The following STK10 variants were observed in gnomAD, a reference collection of about 807,000 sequenced individuals.
STK10 encodes serine/threonine kinase 10.
Under a neutral mutation model 113.8 loss-of-function variants are expected in STK10, and 78 were observed. That is an observed-to-expected ratio of 0.69 (90% CI 0.57 to 0.83). STK10 has a LOEUF of 0.83. STK10 is among the 40% of genes least tolerant of loss of function. The probability of loss-of-function intolerance (pLI) is 0.00; values close to 1 mark genes in which losing one functional copy is unlikely to be tolerated. For synonymous variants in STK10, 465 were observed against 494.7 expected, an observed-to-expected ratio of 0.94 and a Z score of 0.80; for missense variants, 1,109 against 1,280.1, an observed-to-expected ratio of 0.87 and a Z score of 2.04.
intron 12 of STK10, among the ~76,000 whole-genome samples, chr5:172,079,650 C>A (rs987295592): frequency 2.6e-5 from 4 of 152,108 alleles, no homozygotes; most frequent in Non-Finnish European, 5.9e-5. Context: ...CAACCTCCGT[C>A]TCCTGGGTTC....
chr5:172,126,687 A>G (rs1769627049), intron 3 of STK10, among the ~76,000 whole-genome samples: 1 of 152,260 alleles, frequency 6.6e-6, no homozygotes, highest in African/African-American at 2.4e-5. Context: ...AATGGCCACT[A>G]CTAACATTTC....
At position 172,106,802 on chromosome 5, in the gene STK10, C is replaced by T. The variant is rs1244598725; in HGVS notation, c.606G>A (p.Glu202=). 1 of 1,613,930 alleles carries T rather than the reference C, an allele frequency of 6.2e-7. No homozygotes were observed. The highest frequency in any genetic ancestry group is 2.2e-5 in the East Asian group (1 of 44,884). Residue 202 remains glutamate (E), a synonymous_variant, in exon 6 of 19, where the codon GAG becomes GAA. Coordinates refer to ENST00000176763, the MANE Select transcript of STK10 (RefSeq NM_005990.4). The part of the protein sequence containing the change: ...FIGTPYWMAP[E]VVMCETMKDT... ...CTTTCATGGTCTCACACATGACCACCTCGGGGGCCATCCTGAACCAACCAA... is the reference window on the plus strand; with the variant it reads ...CTTTCATGGTCTCACACATGACCACTTCGGGGGCCATCCTGAACCAACCAA...
At chr5:172,090,088 CA>C in intron 10 of STK10, 143 bp downstream of exon 10, 1 of 1,196,058 alleles carries the variant, frequency 8.4e-7, no homozygotes, top group South Asian at 1.5e-5. Context: ...TGCAGGATCG[CA>C]GGCAAAATGA....
intron 1 of STK10, among the ~76,000 whole-genome samples, chr5:172,174,043 T>C (rs1006482547): frequency 1.3e-5 from 2 of 152,082 alleles, no homozygotes; most frequent in East Asian, 1.9e-4. Context: ...ATAACCACAA[T>C]GCGGCCTCCC....
At chr5:172,064,004 G>A (rs1434728719) in intron 13 of STK10, among the ~76,000 whole-genome samples, 1 of 152,144 alleles carries the variant, frequency 6.6e-6, no homozygotes, top group Non-Finnish European at 1.5e-5. Flanking sequence ...TTATCTTAGG[G>A]ACAATGTGGG....
At chr5:172,101,463 C>G (rs921649966) in intron 7 of STK10, among the ~76,000 whole-genome samples, 1 of 146,910 alleles carries the variant, frequency 6.8e-6, no homozygotes, top group African/African-American at 2.7e-5. Context: ...GAGCGAGACT[C>G]CGTCTCCAAA....
chr5:172,064,988 G>A (rs992000676), intron 12 of STK10, among the ~76,000 whole-genome samples, 176 bp from the exon 13 acceptor site: 1 of 152,146 alleles, frequency 6.6e-6, no homozygotes, highest in African/African-American at 2.4e-5. Context: ...CTCCACACTG[G>A]CCTACTCCTG....
In STK10 at chr5:172,092,032, G is replaced by A. The variant is rs138046623; in HGVS notation, c.1554+1380C>T. ...CCCTGTCTCCTGCCCATGGCACCTC[G>A]CCCAGGGGCTCTGGACAGCATCAGC... On this transcript the variant is annotated intron_variant, in intron 9 of 18. Transcript: ENST00000176763. Among the ~76,000 whole-genome samples the A allele has an allele frequency of 5.3e-5, 8 of 152,316 alleles. No homozygotes were observed. In the East Asian group the frequency reaches 5.8e-4, roughly 11 times the overall value.
chr5:172,057,098 T>C (rs1300125744), intron 15 of STK10: 1 of 472,996 alleles, frequency 2.1e-6, no homozygotes, highest in Non-Finnish European at 3.8e-6. Flanking sequence ...ACACAGCAAG[T>C]AACAGTCAGT....
chr5:172,105,668 C>T lies in STK10; in HGVS notation c.858G>A (p.Ala286=), dbSNP rs753285320. The change falls in exon 7 of 19, where the codon GCG becomes GCA. Residue 286 remains alanine (A), a synonymous_variant. Transcript: ENST00000176763. ...DKNPETRPSA[A]QLLEHPFVSS... ...GGAATCCACTCACCTCCAGCAGCTG[C>T]GCGGCACTGGGTCGGGTTTCTGGGT... 1.5e-5 allele frequency: 24 copies of T among 1,613,684 alleles called. No homozygotes were observed. The East Asian group carries it at 2.0e-4, about 13-fold the overall frequency.
intron 1 of STK10, among the ~76,000 whole-genome samples, chr5:172,165,913 C>T (rs1410674979): frequency 6.6e-6 from 1 of 152,178 alleles, no homozygotes; most frequent in African/African-American, 2.4e-5. Flanking sequence ...CCTGCCTCAG[C>T]CTCCCGAGTA....
chr5:172,047,752 A>G (rs1014868368), intron 18 of STK10, among the ~76,000 whole-genome samples: 1 of 152,194 alleles, frequency 6.6e-6, no homozygotes, highest in African/African-American at 2.4e-5. Flanking sequence ...TGAGATTAAG[A>G]GTAACTTGGG....
chr5:172,080,123 G>A (rs1328414003), intron 12 of STK10, among the ~76,000 whole-genome samples: 2 of 151,970 alleles, frequency 1.3e-5, no homozygotes, highest in South Asian at 2.1e-4. Context: ...CTATTATGAC[G>A]ATCTGTGATG....
In STK10 at chr5:172,055,844, A is replaced by G; in HGVS notation, c.2338-68T>C. 8.2e-6 allele frequency: 11 copies of G among 1,336,602 alleles called. 1 individual carries two copies. In the South Asian group the frequency reaches 1.7e-4, roughly 21 times the overall value. The allele number at this position is 1,336,602 out of a possible 1,614,324, so 82.8% of individuals were successfully genotyped here. On this transcript the variant is annotated intron_variant, in intron 15 of 18. Coordinates refer to ENST00000176763, the MANE Select transcript of STK10 (RefSeq NM_005990.4). Reference sequence around the variant, plus strand: ...GGACTCAGAGCGTGGTCACAGGCTAAAGGTCCCCACACTCCACTCAGGGGC... The same window carrying G: ...GGACTCAGAGCGTGGTCACAGGCTAGAGGTCCCCACACTCCACTCAGGGGC...
At chr5:172,152,388 T>C (rs533658041) in intron 2 of STK10, among the ~76,000 whole-genome samples, 1 of 152,264 alleles carries the variant, frequency 6.6e-6, no homozygotes, top group Admixed American at 6.5e-5. Context: ...CCCCGGCCAT[T>C]GAAAGATTTG....
In STK10 at chr5:172,091,948, G is replaced by A. The variant is rs182163118; in HGVS notation, c.1554+1464C>T. Among the ~76,000 whole-genome samples, 7 of 152,340 alleles carry A rather than the reference G, an allele frequency of 4.6e-5. No homozygotes were observed. In the East Asian group the frequency reaches 1.4e-3, roughly 29 times the overall value. On this transcript the variant is annotated intron_variant, in intron 9 of 18. Transcript: ENST00000176763. The stretch of plus-strand genomic sequence containing the variant: ...CTCTTGACCCCTTGAAATCTATGCT[G>A]AGCTCCACTCCTGCTGAGTCGAGAG...
chr5:172,138,800 C>T (rs938902678), intron 2 of STK10, among the ~76,000 whole-genome samples: 1 of 152,052 alleles, frequency 6.6e-6, no homozygotes, highest in East Asian at 1.9e-4. Flanking sequence ...ATCACGAGGT[C>T]AGGAGATCGA....
chr5:172,164,211 TAAAAAAAAAAAAA>T lies in STK10; in HGVS notation c.157-7436_157-7424del, dbSNP rs57573746. Among the ~76,000 whole-genome samples, 4 of 84,624 alleles carry T rather than the reference TAAAAAAAAAAAAA, an allele frequency of 4.7e-5. 1 individual carries two copies. Among genetic ancestry groups the T allele is most frequent in the African/African-American group, 1.9e-4 (4 of 21,022 alleles). The allele number at this position is 84,624 out of a possible 152,430, so 55.5% of individuals were successfully genotyped here. A position where few individuals can be genotyped will look rare whatever the true frequency, so the allele number is the denominator to read the frequency against. Reference sequence around the variant, plus strand: ...CGGGCAACAAGAGCGAAACTCCATCTAAAAAAAAAAAAAAAAAAAAAAAAATTGGCATGTGATC... The same window carrying T: ...CGGGCAACAAGAGCGAAACTCCATCTAAAAAAAAAAAATTGGCATGTGATC... On this transcript the variant is annotated intron_variant, in intron 1 of 18. Transcript: ENST00000176763.
chr5:172,094,245 C>T (rs970230188), intron 8 of STK10, among the ~76,000 whole-genome samples: 7 of 152,228 alleles, frequency 4.6e-5, no homozygotes, highest in African/African-American at 1.7e-4. Flanking sequence ...CTGGCCAGCT[C>T]ATGGCCCACA....
Sources: gnomAD v4.1 joint callset for allele counts (sites outside exome capture counted in the v4.1 genomes callset) on GRCh38, gnomAD v4.1.1 for gene constraint, MANE v1.5 for transcripts, NCBI Gene and HGNC (gene_info 2026-07-23, HGNC 2026-07-21) for gene names.